The following DACH2 variants were observed in gnomAD, a reference collection of about 807,000 sequenced individuals.
DACH2 encodes the protein dachshund homolog 2.
A neutral mutation model predicts 35.8 loss-of-function variants in DACH2; 17 were observed. That is an observed-to-expected ratio of 0.48 (90% CI 0.33 to 0.71). The LOEUF (loss-of-function observed/expected upper bound fraction) is 0.71. DACH2 is among the 30% of genes least tolerant of loss of function. The probability of loss-of-function intolerance (pLI) is 0.02; values close to 1 mark genes in which losing one functional copy is unlikely to be tolerated. For synonymous variants in DACH2, 195 were observed against 177.3 expected (o/e 1.10, Z -0.79); for missense variants, 469 against 472.7 (o/e 0.99, Z 0.07).
chrX:86,394,328 G>A (rs2036249080), intron 2 of DACH2, among the ~76,000 whole-genome samples: 2 of 110,695 alleles, frequency 1.8e-5, no homozygotes, highest in Admixed American at 9.7e-5. Flanking sequence ...CATCAACAGA[G>A]GTATTATAGT....
At chrX:86,477,651 G>A (rs1429663882) in intron 2 of DACH2, among the ~76,000 whole-genome samples, 1 of 109,487 alleles carries the variant, frequency 9.1e-6, no homozygotes, top group Non-Finnish European at 1.9e-5. Context: ...AGTTTATTTT[G>A]TTTACATACA....
intron 5 of DACH2, among the ~76,000 whole-genome samples, chrX:86,713,333 T>C (rs1483551388): frequency 3.6e-5 from 4 of 111,641 alleles, no homozygotes; most frequent in African/African-American, 1.3e-4. Flanking sequence ...CCACTTTGTT[T>C]TGAGGAATGA....
chrX:86,432,111 C>A (rs1262113389), intron 2 of DACH2, among the ~76,000 whole-genome samples: 7 of 112,177 alleles, frequency 6.2e-5, no homozygotes, highest in Non-Finnish European at 3.8e-5. Context: ...GCATGCTCAG[C>A]ATGCTGGCTG....
At chrX:86,151,715 T>C (rs931348652) in intron 1 of DACH2, among the ~76,000 whole-genome samples, 7 of 111,817 alleles carry the variant, frequency 6.3e-5, no homozygotes, top group African/African-American at 9.7e-5. Context: ...AAATGTATAC[T>C]TTAAGTTACT....
intron 2 of DACH2, among the ~76,000 whole-genome samples, chrX:86,414,177 G>T (rs1032876411): frequency 6.3e-5 from 7 of 111,363 alleles, no homozygotes; most frequent in Non-Finnish European, 9.4e-5. Context: ...ATTGTTTGAG[G>T]GGCCGTGATT....
chrX:86,664,754 G>T (rs766332562), intron 4 of DACH2, among the ~76,000 whole-genome samples: 45 of 112,186 alleles, frequency 4.0e-4, no homozygotes, highest in Non-Finnish European at 6.4e-4. Flanking sequence ...GGAGGATTCT[G>T]CTTGAGTTGA....
intron 2 of DACH2, among the ~76,000 whole-genome samples, chrX:86,398,566 T>C (rs759221001): frequency 1.1e-3 from 118 of 112,082 alleles, no homozygotes; most frequent in African/African-American, 3.6e-3. Flanking sequence ...TTTGAATGTG[T>C]CCCAGAGATT....
intron 7 of DACH2, among the ~76,000 whole-genome samples, chrX:86,783,981 T>C (rs1439546359): frequency 1.8e-5 from 2 of 110,763 alleles, no homozygotes; most frequent in Non-Finnish European, 1.9e-5. Flanking sequence ...AATTTTAAAG[T>C]AACTTAAAGA....
intron 2 of DACH2, among the ~76,000 whole-genome samples, chrX:86,420,935 T>C (rs1239105876): frequency 9.0e-6 from 1 of 111,053 alleles, no homozygotes; most frequent in East Asian, 2.8e-4. Context: ...TAAATGACTT[T>C]CAACATAATA....
At chrX:86,546,483 T>A (rs1322944533) in intron 3 of DACH2, among the ~76,000 whole-genome samples, 4 of 87,500 alleles carry the variant, frequency 4.6e-5, no homozygotes, top group African/African-American at 5.0e-5. Context: ...TTCCTCTTCT[T>A]CCTCTTCTTC....
At chrX:86,730,544 T>G (rs1055792551) in intron 6 of DACH2, among the ~76,000 whole-genome samples, 4 of 112,071 alleles carry the variant, frequency 3.6e-5, no homozygotes, top group Non-Finnish European at 5.6e-5. Context: ...ATGAAACCAC[T>G]GGTATCTGGT....
intron 2 of DACH2, among the ~76,000 whole-genome samples, chrX:86,472,090 T>C (rs1411704177): frequency 1.8e-5 from 2 of 112,215 alleles, no homozygotes; most frequent in Admixed American, 1.9e-4. Context: ...ATTATTACGT[T>C]ATTCACTCTT....
chrX:86,399,778 G>A (rs1196366390), intron 2 of DACH2, among the ~76,000 whole-genome samples: 1 of 111,657 alleles, frequency 9.0e-6, no homozygotes, highest in East Asian at 2.8e-4. Context: ...TTTCCTTTGT[G>A]GGTAACCAGA....
chrX:86,334,018 G>A (rs1257511222), intron 1 of DACH2, among the ~76,000 whole-genome samples: 4 of 111,736 alleles, frequency 3.6e-5, no homozygotes, highest in Non-Finnish European at 7.5e-5. Context: ...TTGGTTTTCT[G>A]TTCTTGTGTT....
At chrX:86,564,283 T>C (rs1466363188) in intron 3 of DACH2, among the ~76,000 whole-genome samples, 3 of 111,626 alleles carry the variant, frequency 2.7e-5, no homozygotes, top group Non-Finnish European at 5.7e-5. Flanking sequence ...AATTATATTT[T>C]TTCTCAAACA....
intron 5 of DACH2, among the ~76,000 whole-genome samples, chrX:86,713,624 G>A (rs895877496): frequency 2.7e-5 from 3 of 111,158 alleles, no homozygotes; most frequent in Admixed American, 9.7e-5. Context: ...TACTGTAGAG[G>A]TAATTGTTTG....
intron 1 of DACH2, among the ~76,000 whole-genome samples, chrX:86,291,512 A>G (rs2034293508): frequency 9.4e-6 from 1 of 106,471 alleles, no homozygotes; most frequent in East Asian, 3.0e-4. Flanking sequence ...CAGTTTTCAA[A>G]GGGAATGCTT....
At chrX:86,554,748 A>G (rs56364937) in intron 3 of DACH2, among the ~76,000 whole-genome samples, 2,337 of 111,683 alleles carry the variant, frequency 0.021, 64 homozygotes, top group African/African-American at 0.07. Context: ...TCTTCTCTGT[A>G]ACATGTAGAT....
chrX:86,672,884 G>T (rs2040780882), intron 4 of DACH2, among the ~76,000 whole-genome samples: 1 of 111,629 alleles, frequency 9.0e-6, no homozygotes, highest in African/African-American at 3.3e-5. Context: ...CTGACGACTT[G>T]CATTGTGCAC....
Sources: allele counts gnomAD v4.1 joint callset (sites outside exome capture counted in the v4.1 genomes callset), GRCh38; gene constraint gnomAD v4.1.1; transcripts MANE v1.5; gene names NCBI Gene and HGNC (gene_info 2026-07-23, HGNC 2026-07-21).